Variants in VWA5A observed in about 807,000 individuals in gnomAD.
The protein encoded by VWA5A is von Willebrand factor A domain-containing protein 5A.
VWA5A carries 77 observed loss-of-function variants against 84.6 expected under a neutral mutation model. The ratio of observed to expected loss-of-function variants is 0.91; its 90% CI spans 0.76 to 1.10. The LOEUF is 1.10. Among genes scored for constraint, VWA5A ranks in the 50% least tolerant of loss-of-function variants. The pLI, the probability that VWA5A is intolerant of heterozygous loss-of-function variation, is 0.00. For synonymous variants in VWA5A, 334 were observed against 350.1 expected (o/e 0.95, Z 0.51); for missense variants, 973 against 963.0 (o/e 1.01, Z -0.14).
At position 124,117,826 on chromosome 11, in the gene VWA5A, C is replaced by A. The variant is rs753306187; in HGVS notation, c.197C>A (p.Ala66Asp). ...GACTCTGCTGTTTACAGCTTTGAGG[C>A]CTTGGTGGATGGGAAGAAAATTGTA... ...DEDSAVYSFE[A>D]LVDGKKIVAE... Residue 66 changes from alanine to aspartate, a missense_variant, in exon 4 of 19, where the codon GCC (alanine) becomes GAC (aspartate). By Grantham distance (126) the Ala-to-Asp change is moderately radical (BLOSUM62 -2). Coordinates refer to ENST00000456829, the MANE Select transcript of VWA5A (RefSeq NM_001130142.2). 6 of 1,613,922 alleles carry A rather than the reference C, an allele frequency of 3.7e-6. No individual in the cohort carries two copies. The highest frequency in any genetic ancestry group is 1.3e-5 in the African/African-American group (1 of 74,846).
chr11:124,123,839 G>A (rs574296217), intron 10 of VWA5A, 35 bp downstream of exon 10: 1 of 1,529,482 alleles, frequency 6.5e-7, no homozygotes, highest in Non-Finnish European at 8.7e-7. Context: ...GAAGAGACAG[G>A]AAGTGTGAAA....
chr11:124,121,610 G>A (rs1209416087), intron 7 of VWA5A, among the ~76,000 whole-genome samples: 1 of 152,068 alleles, frequency 6.6e-6, no homozygotes, highest in Non-Finnish European at 1.5e-5. Context: ...AAATAATCTT[G>A]ACGTAGGTGT....
chr11:124,118,904 G>A (rs1257820650), intron 6 of VWA5A, 71 bp from the exon 7 acceptor site: 21 of 1,475,778 alleles, frequency 1.4e-5, no homozygotes, highest in South Asian at 2.4e-5. Context: ...GGAGGACTGC[G>A]CCCTAACCTC....
intron 17 of VWA5A, among the ~76,000 whole-genome samples, 191 bp downstream of exon 17, chr11:124,142,763 G>A (rs969411278): frequency 1.3e-5 from 2 of 152,176 alleles, no homozygotes; most frequent in Admixed American, 6.5e-5. Context: ...TAATGGGGAA[G>A]CTAGTAGGAA....
At chr11:124,126,459 G>T (rs1865019711) in intron 11 of VWA5A, among the ~76,000 whole-genome samples, 1 of 152,064 alleles carries the variant, frequency 6.6e-6, no homozygotes, top group Non-Finnish European at 1.5e-5. Context: ...TAGAGATCTT[G>T]CAAAAATACA....
In VWA5A at chr11:124,146,128, C is replaced by T. The variant is rs1860818024; in HGVS notation, c.*183C>T. The T allele has an allele frequency of 1.8e-6, 1 of 567,732 alleles. No individual in the cohort carries two copies. The highest frequency in any genetic ancestry group is 3.0e-6 in the Non-Finnish European group (1 of 333,092). The allele number at this position is 567,732 out of a possible 1,614,324, so 35.2% of individuals were successfully genotyped here. A position where few individuals can be genotyped will look rare whatever the true frequency, so the allele number is the denominator to read the frequency against. ...CACTTTGGATATGATCTTTCTTTTC[C>T]CAACATATGCCCTCAGAAAAGTGAC... On this transcript the variant is annotated 3_prime_UTR_variant, in exon 19 of 19. Coordinates refer to ENST00000456829, the MANE Select transcript of VWA5A (RefSeq NM_001130142.2).
chr11:124,128,456 A>G (rs1256297400), intron 11 of VWA5A, among the ~76,000 whole-genome samples: 2 of 152,194 alleles, frequency 1.3e-5, no homozygotes, highest in Non-Finnish European at 2.9e-5. Context: ...TGATGCCTCC[A>G]GCTTTATTCT....
intron 11 of VWA5A, among the ~76,000 whole-genome samples, chr11:124,126,891 C>T (rs1865026158): frequency 6.6e-6 from 1 of 152,130 alleles, no homozygotes; most frequent in Admixed American, 6.6e-5. Flanking sequence ...TGTCATAACC[C>T]TTCATATATA....
chr11:124,118,593 C>G lies in VWA5A; in HGVS notation c.530C>G (p.Pro177Arg). The stretch of plus-strand genomic sequence containing the variant: ...CCTATAGTCCCTGTGGAGGACCTGC[C>G]CTACACACTCAGCATGGTCGCCACC... Reference protein sequence around the residue: ...KTPIVPVEDLPYTLSMVATID... With the variant: ...KTPIVPVEDLRYTLSMVATID... The change falls in exon 6 of 19, where the codon CCC (proline) becomes CGC (arginine). Residue 177 changes from proline (P) to arginine (R), a missense_variant. Transcript: ENST00000456829. The G allele has an allele frequency of 1.2e-6, 2 of 1,614,124 alleles. No homozygotes were observed. Among genetic ancestry groups the G allele is most frequent in the South Asian group, 1.1e-5 (1 of 91,086 alleles).
rs1421129103 is a variant in VWA5A, at chr11:124,145,145, T to C, written c.2155-92T>C. The C allele has an allele frequency of 2.0e-6, 3 of 1,468,328 alleles. No individual in the cohort carries two copies. The East Asian group carries it at 7.1e-5, about 35-fold the overall frequency. The allele number at this position is 1,468,328 out of a possible 1,614,324, so 91.0% of individuals were successfully genotyped here. ...ACCAGGTAACTCCATCTAGTGACAT[T>C]TAGAAGGATGCTAAGTGAGGAGGGA... On this transcript the variant is annotated intron_variant, in intron 17 of 18. Transcript: ENST00000456829.
Position 124,142,484 on chromosome 11 carries a change from A to G in VWA5A, c.2066A>G (p.Asn689Ser), listed in dbSNP as rs1038226410. 6.2e-7 allele frequency: 1 copy of G among 1,614,120 alleles called. No homozygotes were observed. Among genetic ancestry groups the G allele is most frequent in the Non-Finnish European group, 8.5e-7 (1 of 1,180,056 alleles). ...CTTGTGCAGCTGATTTACCACCAAA[A>G]TGCAAATGGTTCCTGGGATCTGAAT... is the stretch of plus-strand genomic sequence containing the variant. Reference protein sequence around the residue: ...NHLVQLIYHQNANGSWDLNED... With the variant: ...NHLVQLIYHQSANGSWDLNED... The change falls in exon 17 of 19, where the codon AAT becomes AGT. Residue 689 changes from asparagine to serine, a missense_variant. By Grantham distance (46) the Asn-to-Ser change is conservative (BLOSUM62 1). Coordinates refer to ENST00000456829, the MANE Select transcript of VWA5A (RefSeq NM_001130142.2).
rs1860750750 is a variant in VWA5A at position 124,142,556 on chromosome 11, C to T, written c.2138C>T (p.Ala713Val). Reference sequence around the variant, plus strand: ...GGTATGAGTTTGGAAGAAATAATGGCTGCACAGCCTGCCGAGGTAAGATTC... The same window carrying T: ...GGTATGAGTTTGGAAGAAATAATGGTTGCACAGCCTGCCGAGGTAAGATTC... ...ILGMSLEEIM[A>V]AQPAELVDSS... The change falls in exon 17 of 19, where the codon GCT becomes GTT. Residue 713 changes from alanine (A) to valine (V), a missense_variant. Coordinates refer to ENST00000456829, the MANE Select transcript of VWA5A (RefSeq NM_001130142.2). 1.2e-6 allele frequency: 2 copies of T among 1,613,998 alleles called. No individual in the cohort carries two copies. Among genetic ancestry groups the T allele is most frequent in the Admixed American group, 3.3e-5 (2 of 59,996 alleles).
intron 7 of VWA5A, among the ~76,000 whole-genome samples, chr11:124,122,364 A>G (rs1864945199): frequency 6.6e-6 from 1 of 152,182 alleles, no homozygotes; most frequent in Admixed American, 6.5e-5. Flanking sequence ...TTGGATGATG[A>G]TAATAGAATC....
intron 11 of VWA5A, among the ~76,000 whole-genome samples, chr11:124,133,785 G>A (rs1176290899): frequency 2.0e-5 from 3 of 152,050 alleles, no homozygotes; most frequent in African/African-American, 7.3e-5. Context: ...AAAGTATTAG[G>A]AACTGTGCTA....
intron 13 of VWA5A, 121 bp downstream of exon 13, chr11:124,136,414 A>G: frequency 6.9e-7 from 1 of 1,459,102 alleles, no homozygotes; most frequent in South Asian, 1.3e-5. Flanking sequence ...TAGCTAGCCT[A>G]CTTCCTTCCC....
At chr11:124,117,286 T>G in intron 2 of VWA5A, 1 of 598,000 alleles carries the variant, frequency 1.7e-6, no homozygotes, top group Non-Finnish European at 3.0e-6. Context: ...TAGATACCAG[T>G]GAATCTTACA....
In VWA5A at chr11:124,132,555, C is replaced by T. The variant is rs73015621; in HGVS notation, c.1245-2365C>T. ...TTGCATGAAATTGTCCATGATATTG[C>T]CTAATAATGTTATTAAATTTTGTAG... On this transcript the variant is annotated intron_variant, in intron 11 of 18. Transcript: ENST00000456829. Among the ~76,000 whole-genome samples, 1,417 of 152,008 alleles carry T rather than the reference C, an allele frequency of 9.3e-3. 10 individuals carry two copies. Among genetic ancestry groups the T allele is most frequent in the Non-Finnish European group, 0.013 (865 of 67,910 alleles).
In VWA5A at chr11:124,142,461, T is replaced by A; in HGVS notation, c.2043T>A (p.Leu681=). ...TCAAAGGCTTTGGAGAGAATCACCTTGTGCAGCTGATTTACCACCAAAATG... is the reference window on the plus strand; with the variant it reads ...TCAAAGGCTTTGGAGAGAATCACCTAGTGCAGCTGATTTACCACCAAAATG... ...QHSPGFGENH[L]VQLIYHQNAN... Residue 681 remains leucine, a synonymous_variant, in exon 17 of 19, where the codon CTT becomes CTA. Coordinates refer to ENST00000456829, the MANE Select transcript of VWA5A (RefSeq NM_001130142.2). 6.2e-7 allele frequency: 1 copy of A among 1,614,228 alleles called. No homozygotes were observed. Among genetic ancestry groups the A allele is most frequent in the Non-Finnish European group, 8.5e-7 (1 of 1,180,028 alleles).
Position 124,118,572 on chromosome 11 carries a change from T to C in VWA5A, c.509T>C (p.Ile170Thr), listed in dbSNP as rs921241313. ...AGTTGCCTTAATGTGAAGACTCCTA[T>C]AGTCCCTGTGGAGGACCTGCCCTAC... is the stretch of plus-strand genomic sequence containing the variant. ...KDSCLNVKTP[I>T]VPVEDLPYTL... The change falls in exon 6 of 19, where the codon ATA becomes ACA. Residue 170 changes from isoleucine to threonine, a missense_variant. Coordinates refer to ENST00000456829, the MANE Select transcript of VWA5A (RefSeq NM_001130142.2). 1 of 1,614,062 alleles carries C rather than the reference T, an allele frequency of 6.2e-7. No individual in the cohort carries two copies. Among genetic ancestry groups the C allele is most frequent in the Non-Finnish European group, 8.5e-7 (1 of 1,180,020 alleles).
Sources: gnomAD v4.1 joint callset for allele counts (sites outside exome capture counted in the v4.1 genomes callset) on GRCh38, gnomAD v4.1.1 for gene constraint, MANE v1.5 for transcripts, NCBI Gene and HGNC (gene_info 2026-07-23, HGNC 2026-07-21) for gene names.